The following RACGAP1 variants were observed in gnomAD, a reference collection of about 807,000 sequenced individuals.
The protein encoded by RACGAP1 is rac GTPase-activating protein 1.
RACGAP1 carries 30 observed loss-of-function variants against 78.1 expected under a neutral mutation model. The observed-to-expected ratio is 0.38, with a 90% CI of 0.29 to 0.52. The LOEUF is 0.52. Among genes scored for constraint, RACGAP1 ranks in the 20% least tolerant of loss-of-function variants. The probability of loss-of-function intolerance (pLI) is 0.82; values close to 1 mark genes in which losing one functional copy is unlikely to be tolerated. For missense variants in RACGAP1, 587 were observed against 777.1 expected (o/e 0.76, Z 2.91); for synonymous variants, 231 against 264.8 (o/e 0.87, Z 1.24).
At chr12:50,021,249 C>T (rs1309810321) in intron 1 of RACGAP1, 1 of 373,032 alleles carries the variant, frequency 2.7e-6, no homozygotes, top group Non-Finnish European at 3.7e-6. Context: ...ACAGCTGTCA[C>T]TTTCCACAAC....
rs141678679 is a variant in RACGAP1 at position 50,030,640 on chromosome 12, G to A, written c.-24+1057C>T. Among the ~76,000 whole-genome samples the A allele has an allele frequency of 9.8e-4, 149 of 152,082 alleles. 1 individual carries two copies. The highest frequency in any genetic ancestry group is 3.4e-3 in the African/African-American group (141 of 41,470). On this transcript the variant is annotated intron_variant, in intron 2 of 3. Transcript: ENST00000548247. ...GAAGGCAGAGGTTGCAGTAACCCGC[G>A]ATTGCGCCACTGCACTCCAGACTGG...
At chr12:50,011,556 G>T (rs1949332624) in intron 2 of RACGAP1, among the ~76,000 whole-genome samples, 1 of 151,810 alleles carries the variant, frequency 6.6e-6, no homozygotes, top group Non-Finnish European at 1.5e-5. Flanking sequence ...GCAAGACCTT[G>T]TCTCTACAAA....
intron 1 of RACGAP1, among the ~76,000 whole-genome samples, chr12:50,019,058 T>A (rs369874820): frequency 7.9e-5 from 12 of 152,276 alleles, no homozygotes; most frequent in African/African-American, 2.9e-4. Context: ...AATTTTGATT[T>A]CCCTATTTTT....
At chr12:50,024,169 A>G (rs1166889945) in intron 1 of RACGAP1, among the ~76,000 whole-genome samples, 1 of 152,240 alleles carries the variant, frequency 6.6e-6, no homozygotes, top group East Asian at 1.9e-4. Flanking sequence ...TCAAAAAAAA[A>G]AAAGAAATCA....
Position 50,009,779 on chromosome 12 carries a change from A to C in RACGAP1, c.86-3143T>G, listed in dbSNP as rs56154846. On this transcript the variant is annotated intron_variant, in intron 2 of 16. Transcript: ENST00000312377. ...ACCAGTCTGTCCCTGCCCCCAGAAC[A>C]GAGGCATTCCTGCCTTCTCACTTGT... Among the ~76,000 whole-genome samples the C allele has an allele frequency of 5.9e-3, 897 of 152,348 alleles. 4 individuals carry two copies. The highest frequency in any genetic ancestry group is 0.01 in the Non-Finnish European group (686 of 68,022).
At position 49,990,494 on chromosome 12, in the gene RACGAP1, CGAGA is replaced by C. The variant is rs569377847; in HGVS notation, c.1824-155_1824-152del. The C allele has an allele frequency of 9.8e-4, 811 of 825,054 alleles. 2 individuals are homozygous for C. Among genetic ancestry groups the C allele is most frequent in the South Asian group, 1.8e-3 (106 of 58,010 alleles). The allele number at this position is 825,054 out of a possible 1,614,324, so 51.1% of individuals were successfully genotyped here. On this transcript the variant is annotated intron_variant, in intron 16 of 16. Coordinates refer to ENST00000312377, the MANE Select transcript of RACGAP1 (RefSeq NM_001319999.2). ...CTTAAGTATTCTTAGTCACCAACAA[CGAGA>C]GAGGGGAAATAGTAAAGACTTTCAG...
chr12:50,024,844 C>T (rs1592244261), intron 1 of RACGAP1, among the ~76,000 whole-genome samples: 1 of 151,928 alleles, frequency 6.6e-6, no homozygotes, highest in African/African-American at 2.4e-5. Context: ...ACACACACCT[C>T]TCGGCCTACG....
At chr12:50,015,718 C>T (rs570062750) in intron 2 of RACGAP1, among the ~76,000 whole-genome samples, 21 of 151,652 alleles carry the variant, frequency 1.4e-4, no homozygotes, top group African/African-American at 4.4e-4. Context: ...AGGAGAATGG[C>T]GTGAACCCAG....
At chr12:50,002,590 C>A in intron 5 of RACGAP1, 1 of 275,236 alleles carries the variant, frequency 3.6e-6, no homozygotes, top group African/African-American at 2.2e-5. Flanking sequence ...GTGGCTGATC[C>A]TTTATTTCTG....
At chr12:50,022,386 C>T (rs1290300571) in intron 1 of RACGAP1, among the ~76,000 whole-genome samples, 1 of 152,126 alleles carries the variant, frequency 6.6e-6, no homozygotes, top group South Asian at 2.1e-4. Flanking sequence ...AGTTTGAGAC[C>T]AGCCTGATCA....
intron 13 of RACGAP1, 76 bp downstream of exon 13, chr12:49,992,474 C>A: frequency 6.3e-7 from 1 of 1,586,616 alleles, no homozygotes; most frequent in Admixed American, 1.7e-5. Context: ...CTCATACTCC[C>A]AAACACTCAA....
Position 49,997,162 on chromosome 12 carries a change from T to G in RACGAP1, c.922A>C (p.Lys308Gln). 1.2e-6 allele frequency: 2 copies of G among 1,609,014 alleles called. No homozygotes were observed. The highest frequency in any genetic ancestry group is 1.7e-6 in the Non-Finnish European group (2 of 1,176,112). The change falls in exon 10 of 17, where the codon AAA becomes CAA. Residue 308 changes from lysine to glutamine, a missense_variant. Coordinates refer to ENST00000312377, the MANE Select transcript of RACGAP1 (RefSeq NM_001319999.2). Reference sequence around the variant, plus strand: ...CACTTCAGAGATAATTTGCCAAATTTTATCCGCTTTCCACATGGAACACAG... The same window carrying G: ...CACTTCAGAGATAATTTGCCAAATTGTATCCGCTTTCCACATGGAACACAG... ...ESCVPCGKRI[K>Q]FGKLSLKCRD...
At chr12:50,030,995 G>C (rs528421071) in intron 2 of RACGAP1, among the ~76,000 whole-genome samples, 17 of 151,424 alleles carry the variant, frequency 1.1e-4, no homozygotes, top group African/African-American at 2.9e-4. Flanking sequence ...GGCCAGGCTG[G>C]TCTCAAACTG....
At position 49,998,591 on chromosome 12, in the gene RACGAP1, ATG is replaced by A. The variant is rs2137328062; in HGVS notation, c.879+548_879+549del. 1.3e-5 allele frequency among the ~76,000 whole-genome samples: 2 copies of A among 152,092 alleles called. 1 individual carries two copies. Among genetic ancestry groups the A allele is most frequent in the South Asian group, 4.2e-4 (2 of 4,806 alleles). On this transcript the variant is annotated intron_variant, in intron 9 of 16. Coordinates refer to ENST00000312377, the MANE Select transcript of RACGAP1 (RefSeq NM_001319999.2). ...GATATATTCAAGAAAAAATGTAAAC[ATG>A]TGTCACTAAAAAGTACTAACAATGG...
At chr12:49,993,412 G>T (rs1948025819) in intron 12 of RACGAP1, among the ~76,000 whole-genome samples, 1 of 152,146 alleles carries the variant, frequency 6.6e-6, no homozygotes, top group African/African-American at 2.4e-5. Flanking sequence ...AGGCAAGGGT[G>T]ACACGCATAC....
At chr12:50,027,029 A>G (rs752390885), upstream of RACGAP1, among the ~76,000 whole-genome samples, 2 of 152,164 alleles carry the variant, frequency 1.3e-5, no homozygotes, top group Non-Finnish European at 2.9e-5. Flanking sequence ...ACTTTTTAAT[A>G]CTTCTGTACT....
intron 7 of RACGAP1, among the ~76,000 whole-genome samples, chr12:50,000,292 C>T (rs931493479): frequency 1.3e-4 from 20 of 152,128 alleles, no homozygotes; most frequent in Middle Eastern, 6.8e-3. Flanking sequence ...GGATTACAGG[C>T]GTGAGCCACC....
intron 2 of RACGAP1, among the ~76,000 whole-genome samples, chr12:50,031,354 C>T (rs1423418343): frequency 6.6e-6 from 1 of 150,998 alleles, no homozygotes; most frequent in East Asian, 2.0e-4. Flanking sequence ...TGGTGTGTGC[C>T]TGTAATCCCA....
At chr12:49,991,457 T>TTATTTATATATATATATATATATA (rs1555169078) in intron 15 of RACGAP1, among the ~76,000 whole-genome samples, 7 of 27,402 alleles carry the variant, frequency 2.6e-4, no homozygotes, top group Admixed American at 6.3e-4. Context: ...ATTTAAACTA[T>TTATTTATATATATATATATATATA]TATATATATA....
Sources: gnomAD v4.1 joint callset for allele counts (sites outside exome capture counted in the v4.1 genomes callset) on GRCh38, gnomAD v4.1.1 for gene constraint, MANE v1.5 for transcripts, NCBI Gene and HGNC (gene_info 2026-07-23, HGNC 2026-07-21) for gene names.